PKIA: variants seen among roughly 807,000 people sequenced by gnomAD.
The protein encoded by PKIA is PKI-alpha.
Under a neutral mutation model 7.6 loss-of-function variants are expected in PKIA, and 4 were observed. That is an observed-to-expected ratio of 0.52 (90% confidence interval 0.26 to 1.20). The LOEUF (loss-of-function observed/expected upper bound fraction) is 1.20. Ranked by LOEUF, PKIA falls within the 50% of genes most tolerant of loss-of-function variation. The pLI is 0.13. For synonymous variants in PKIA, 21 were observed against 30.7 expected (o/e 0.68, Z 1.04); for missense variants, 73 against 86.2 (o/e 0.85, Z 0.61).
chr8:78,551,438 C>G (rs1158399147), intron 1 of PKIA, among the ~76,000 whole-genome samples: 1 of 152,016 alleles, frequency 6.6e-6, no homozygotes, highest in East Asian at 1.9e-4. Context: ...AGCCATATAG[C>G]TACACTCACC....
At chr8:78,531,994 T>A (rs909564124) in intron 1 of PKIA, among the ~76,000 whole-genome samples, 4 of 152,144 alleles carry the variant, frequency 2.6e-5, no homozygotes, top group African/African-American at 9.6e-5. Context: ...TGTAATTCAA[T>A]AGCAGTCTCA....
chr8:78,536,540 C>A (rs1449044702), intron 1 of PKIA, among the ~76,000 whole-genome samples: 1 of 151,976 alleles, frequency 6.6e-6, no homozygotes, highest in Admixed American at 6.6e-5. Flanking sequence ...TAAAAAGGTG[C>A]AAATACTATT....
At chr8:78,568,942 C>T (rs1807484016) in intron 1 of PKIA, among the ~76,000 whole-genome samples, 1 of 152,120 alleles carries the variant, frequency 6.6e-6, no homozygotes, top group Admixed American at 6.6e-5. Context: ...GGTTCCCCCA[C>T]CAGAGTTGTT....
Position 78,537,083 on chromosome 8 carries a change from AG to A in PKIA, c.-157+20619del, listed in dbSNP as rs370775256. Among the ~76,000 whole-genome samples, 1,219 of 152,028 alleles carry A rather than the reference AG, an allele frequency of 8.0e-3. 13 individuals carry two copies. The highest frequency in any genetic ancestry group is 0.012 in the Non-Finnish European group (845 of 67,960). ...TCAGGGTTTTGGGGACCAGTTATGA[AG>A]GGGCTGAGGGATCTATAGGCCACTT... On this transcript the variant is annotated intron_variant, in intron 1 of 3. Transcript: ENST00000396418.
intron 1 of PKIA, among the ~76,000 whole-genome samples, chr8:78,523,704 G>A (rs769811776): frequency 4.9e-4 from 74 of 151,402 alleles, no homozygotes; most frequent in Middle Eastern, 6.8e-3. Context: ...AATTTTGCTG[G>A]GACTTGCAGA....
At chr8:78,527,299 A>G (rs1806265014) in intron 1 of PKIA, among the ~76,000 whole-genome samples, 1 of 152,046 alleles carries the variant, frequency 6.6e-6, no homozygotes, top group Non-Finnish European at 1.5e-5. Flanking sequence ...CAATGAAAAT[A>G]CCTGCTTTAA....
At chr8:78,525,252 T>C (rs1424912587) in intron 1 of PKIA, among the ~76,000 whole-genome samples, 1 of 151,704 alleles carries the variant, frequency 6.6e-6, no homozygotes, top group African/African-American at 2.4e-5. Context: ...AGATAGAGAT[T>C]ATAATGATGG....
chr8:78,595,645 TCA>T (rs1328148019), intron 2 of PKIA, among the ~76,000 whole-genome samples: 6 of 152,300 alleles, frequency 3.9e-5, no homozygotes, highest in South Asian at 2.1e-4. Context: ...CCATTTGTAC[TCA>T]GTTTTTAGCT....
In PKIA at chr8:78,602,656, A is replaced by G. The variant is rs1489848777; in HGVS notation, c.*835A>G. 6.7e-6 allele frequency: 1 copy of G among 149,830 alleles called. No homozygotes were observed. The highest frequency in any genetic ancestry group is 1.5e-5 in the Non-Finnish European group (1 of 67,396). 9.3% of individuals were successfully genotyped at this position (149,830 alleles called of 1,614,324 possible). A position where few individuals can be genotyped will look rare whatever the true frequency, so the allele number is the denominator to read the frequency against. ...GCACAGACTGGAATTCAATCTGTCA[A>G]ATTTGTTTTATTCTCAAGTGGAGAA... is the stretch of plus-strand genomic sequence containing the variant. On this transcript the variant is annotated 3_prime_UTR_variant, in exon 4 of 4. Transcript: ENST00000396418.
chr8:78,541,764 C>G (rs1327790824), intron 1 of PKIA, among the ~76,000 whole-genome samples: 1 of 151,188 alleles, frequency 6.6e-6, no homozygotes, highest in Admixed American at 6.6e-5. Context: ...CTTTGTTCTT[C>G]ACATTTTCTG....
In PKIA at chr8:78,524,071, TATATAA is replaced by T. The variant is rs1809485866; in HGVS notation, c.-157+7613_-157+7618del. Among the ~76,000 whole-genome samples, 7 of 126,748 alleles carry T rather than the reference TATATAA, an allele frequency of 5.5e-5. No homozygotes were observed. The South Asian group carries it at 1.5e-3, about 28-fold the overall frequency. The allele number at this position is 126,748 out of a possible 152,430, so 83.2% of individuals were successfully genotyped here. A position where few individuals can be genotyped will look rare whatever the true frequency, so the allele number is the denominator to read the frequency against. On this transcript the variant is annotated intron_variant, in intron 1 of 3. Transcript: ENST00000396418. ...AAATATATATAAACATTTATATTTA[TATATAA>T]ATATAAATAAACATTTATATTTATA...
intron 1 of PKIA, among the ~76,000 whole-genome samples, chr8:78,571,570 A>G (rs1485908273): frequency 6.6e-6 from 1 of 152,112 alleles, no homozygotes; most frequent in East Asian, 1.9e-4. Flanking sequence ...ACCCTGAGGA[A>G]TGTTCTTCAG....
At chr8:78,523,044 G>T (rs1585863880) in intron 1 of PKIA, among the ~76,000 whole-genome samples, 1 of 151,864 alleles carries the variant, frequency 6.6e-6, no homozygotes, top group Admixed American at 6.6e-5. Flanking sequence ...AGTCTCTATT[G>T]CATCGGCCAG....
chr8:78,542,552 T>C (rs905000994), intron 1 of PKIA, among the ~76,000 whole-genome samples: 1 of 152,210 alleles, frequency 6.6e-6, no homozygotes, highest in Non-Finnish European at 1.5e-5. Context: ...TGCAAATTAA[T>C]ATATTGTTAA....
chr8:78,598,301 A>T, intron 2 of PKIA, 57 bp from the exon 3 acceptor site: 1 of 1,081,600 alleles, frequency 9.2e-7, no homozygotes, highest in Non-Finnish European at 1.3e-6. Context: ...GTCGGTAGTT[A>T]AATGTTTAGC....
chr8:78,542,862 G>A (rs538697827), intron 1 of PKIA, among the ~76,000 whole-genome samples: 32 of 152,060 alleles, frequency 2.1e-4, no homozygotes, highest in Non-Finnish European at 3.8e-4. Context: ...TTCCTGTCTC[G>A]TATCCATCTG....
intron 2 of PKIA, among the ~76,000 whole-genome samples, chr8:78,586,845 C>A (rs550885489): frequency 6.6e-6 from 1 of 152,174 alleles, no homozygotes; most frequent in African/African-American, 2.4e-5. Context: ...ATTTCTAAAC[C>A]TTTACTATTT....
chr8:78,571,524 T>C (rs76871346), intron 1 of PKIA, among the ~76,000 whole-genome samples: 5,013 of 152,210 alleles, frequency 0.033, 121 homozygotes, highest in Middle Eastern at 0.051. Context: ...ATTTGGGATA[T>C]AAATACTTCG....
intron 1 of PKIA, among the ~76,000 whole-genome samples, chr8:78,572,537 GCACGCACACACACACA>G (rs1294829493): frequency 8.7e-6 from 1 of 115,576 alleles, no homozygotes; most frequent in African/African-American, 3.9e-5. Context: ...AAAAAAAGCT[GCACGCACACACACACA>G]CACACACACA....
Sources: allele counts gnomAD v4.1 joint callset (sites outside exome capture counted in the v4.1 genomes callset), GRCh38; gene constraint gnomAD v4.1.1; transcripts MANE v1.5; gene names NCBI Gene and HGNC (gene_info 2026-07-23, HGNC 2026-07-21).